Variants in CPNE4 observed in about 807,000 individuals in gnomAD.
CPNE4 encodes copine-4.
In CPNE4, 25 loss-of-function variants were observed where a neutral mutation model predicts 67.9. That is an observed-to-expected ratio of 0.37 (90% CI 0.27 to 0.51). CPNE4 has a LOEUF of 0.51. Among genes scored for constraint, CPNE4 ranks in the 20% least tolerant of loss-of-function variants. CPNE4 has a pLI of 0.93. For missense variants in CPNE4, 464 were observed against 690.8 expected (o/e 0.67, Z 3.68); for synonymous variants, 242 against 244.9 (o/e 0.99, Z 0.11).
chr3:131,575,397 C>A (rs1937526942), intron 9 of CPNE4, among the ~76,000 whole-genome samples: 1 of 152,148 alleles, frequency 6.6e-6, no homozygotes, highest in African/African-American at 2.4e-5. Context: ...CAGCTTATGC[C>A]TCTGAAGTGA....
chr3:131,849,189 C>A (rs976961792), intron 2 of CPNE4, among the ~76,000 whole-genome samples: 2 of 152,122 alleles, frequency 1.3e-5, no homozygotes, highest in Non-Finnish European at 2.9e-5. Flanking sequence ...TATTTCCCCA[C>A]ATCTTGACTT....
intron 7 of CPNE4, among the ~76,000 whole-genome samples, chr3:131,654,896 G>T (rs56212438): frequency 0.044 from 6,656 of 152,242 alleles, 168 homozygotes; most frequent in Non-Finnish European, 0.061. Flanking sequence ...GTCCCCCACT[G>T]CATAGAATTA....
At chr3:131,826,263 G>C (rs2085155965) in intron 2 of CPNE4, among the ~76,000 whole-genome samples, 1 of 151,870 alleles carries the variant, frequency 6.6e-6, no homozygotes, top group Non-Finnish European at 1.5e-5. Context: ...AGTGCAGTTT[G>C]GCTCACTGCA....
In CPNE4 at chr3:131,927,423, C is replaced by T. The variant is rs1481325303; in HGVS notation, c.-1-21979G>A. 1.3e-4 allele frequency among the ~76,000 whole-genome samples: 17 copies of T among 126,072 alleles called. No individual in the cohort carries two copies. In the Admixed American group the frequency reaches 1.4e-3, roughly 10 times the overall value. The allele number at this position is 126,072 out of a possible 152,430, so 82.7% of individuals were successfully genotyped here. Reference sequence around the variant, plus strand: ...ATCACATCTCCATGTTTCTTTCCTTCCTACCACTACAAATACTTGTCTTTC... The same window carrying T: ...ATCACATCTCCATGTTTCTTTCCTTTCTACCACTACAAATACTTGTCTTTC... On this transcript the variant is annotated intron_variant, in intron 1 of 15. Coordinates refer to ENST00000429747, the MANE Select transcript of CPNE4 (RefSeq NM_130808.3).
intron 2 of CPNE4, among the ~76,000 whole-genome samples, chr3:131,843,463 G>A (rs1455876767): frequency 2.6e-5 from 4 of 152,190 alleles, no homozygotes; most frequent in African/African-American, 9.7e-5. Context: ...GAAAAGAAGA[G>A]CGTTTACATT....
chr3:131,805,487 TTTA>T (rs1448725528), intron 2 of CPNE4, among the ~76,000 whole-genome samples: 1 of 152,174 alleles, frequency 6.6e-6, no homozygotes, highest in Non-Finnish European at 1.5e-5. Context: ...TCGATCCTCA[TTTA>T]TTATTATCTC....
chr3:131,613,346 C>T (rs1211962490), intron 7 of CPNE4, among the ~76,000 whole-genome samples: 2 of 152,102 alleles, frequency 1.3e-5, no homozygotes, highest in Non-Finnish European at 2.9e-5. Flanking sequence ...TTCACTAAAG[C>T]CCCAAGATCA....
chr3:131,751,664 G>A (rs1264996643), intron 2 of CPNE4, among the ~76,000 whole-genome samples: 1 of 151,642 alleles, frequency 6.6e-6, no homozygotes, highest in Non-Finnish European at 1.5e-5. Flanking sequence ...TTCTCATTTG[G>A]TTTGAGATAA....
intron 11 of CPNE4, among the ~76,000 whole-genome samples, chr3:131,562,575 C>T (rs1936827938): frequency 6.6e-6 from 1 of 151,966 alleles, no homozygotes; most frequent in African/African-American, 2.4e-5. Context: ...TCAATATGTG[C>T]ACACATTATT....
At chr3:131,788,524 GA>G (rs753335112) in intron 2 of CPNE4, among the ~76,000 whole-genome samples, 1 of 152,060 alleles carries the variant, frequency 6.6e-6, no homozygotes, top group Non-Finnish European at 1.5e-5. Flanking sequence ...AAAGGTTGGG[GA>G]GATGGAATTT....
chr3:131,699,715 G>T (rs543434351), intron 4 of CPNE4, among the ~76,000 whole-genome samples, 194 bp downstream of exon 4: 13 of 152,102 alleles, frequency 8.5e-5, no homozygotes, highest in Non-Finnish European at 1.8e-4. Flanking sequence ...ATTTTTCCTA[G>T]AGTTAGAAGG....
In CPNE4 at chr3:131,899,322, A is replaced by G. The variant is rs144175474; in HGVS notation, c.180+5942T>C. Among the ~76,000 whole-genome samples the G allele has an allele frequency of 2.1e-3, 316 of 152,228 alleles. 1 individual carries two copies. The highest frequency in any genetic ancestry group is 7.0e-3 in the African/African-American group (289 of 41,562). On this transcript the variant is annotated intron_variant, in intron 2 of 15. Coordinates refer to ENST00000429747, the MANE Select transcript of CPNE4 (RefSeq NM_130808.3). ...TAATTATCACCAGCTCATTGTTGCCATAGGATTAAAGACCCCACATTGCCA... is the reference window on the plus strand; with the variant it reads ...TAATTATCACCAGCTCATTGTTGCCGTAGGATTAAAGACCCCACATTGCCA...
At chr3:131,775,356 G>T (rs919148732) in intron 2 of CPNE4, among the ~76,000 whole-genome samples, 1 of 152,078 alleles carries the variant, frequency 6.6e-6, no homozygotes, top group African/African-American at 2.4e-5. Context: ...AACATCTTTG[G>T]TGGGGTAGAA....
intron 1 of CPNE4, among the ~76,000 whole-genome samples, chr3:132,006,213 G>T (rs561380930): frequency 2.6e-5 from 4 of 152,172 alleles, no homozygotes; most frequent in Non-Finnish European, 4.4e-5. Flanking sequence ...TGATATCATG[G>T]AAAAAGCATG....
intron 1 of CPNE4, among the ~76,000 whole-genome samples, chr3:131,944,715 T>TAAATAAAATAAAATAAAATAAAATAAA (rs780423382): frequency 7.9e-6 from 1 of 127,356 alleles, no homozygotes; most frequent in African/African-American, 2.6e-5. Context: ...TCAATTTACA[T>TAAATAAAATAAAATAAAATAAAATAAA]CTTAATTTTT....
At chr3:132,034,290 C>T (rs2074301459) in intron 1 of CPNE4, among the ~76,000 whole-genome samples, 1 of 152,208 alleles carries the variant, frequency 6.6e-6, no homozygotes, top group African/African-American at 2.4e-5. Flanking sequence ...ATGCTGTCCC[C>T]TCCCCTCCGC....
chr3:131,581,765 G>A, intron 8 of CPNE4, 100 bp from the exon 9 acceptor site: 2 of 808,456 alleles, frequency 2.5e-6, no homozygotes, highest in Non-Finnish European at 4.3e-6. Context: ...CTGAACTGGA[G>A]GGCTGACAAA....
chr3:131,790,211 A>G, intron 2 of CPNE4, among the ~76,000 whole-genome samples: 1 of 152,108 alleles, frequency 6.6e-6, no homozygotes, highest in East Asian at 1.9e-4. Flanking sequence ...TGGGACTTAT[A>G]TACTTCTCCC....
At chr3:131,885,613 C>T (rs1302333344) in intron 2 of CPNE4, among the ~76,000 whole-genome samples, 2 of 151,696 alleles carry the variant, frequency 1.3e-5, no homozygotes, top group East Asian at 3.9e-4. Context: ...CATACGTATA[C>T]ATTTGCCATG....
Sources: allele counts gnomAD v4.1 joint callset (sites outside exome capture counted in the v4.1 genomes callset), GRCh38; gene constraint gnomAD v4.1.1; transcripts MANE v1.5; gene names NCBI Gene and HGNC (gene_info 2026-07-23, HGNC 2026-07-21).